ECI1: variants seen among roughly 807,000 people sequenced by gnomAD.
ECI1 encodes the protein enoyl-CoA delta isomerase 1.
A neutral mutation model predicts 34.2 loss-of-function variants in ECI1; 34 were observed. That is an observed-to-expected ratio of 1.00 (90% CI 0.76 to 1.33). The LOEUF is 1.33. Ranked by LOEUF, ECI1 falls within the 40% of genes most tolerant of loss-of-function variation. The probability of loss-of-function intolerance (pLI) is 0.00; values close to 1 mark genes in which losing one functional copy is unlikely to be tolerated. For synonymous variants in ECI1, 211 were observed against 193.0 expected, an observed-to-expected ratio of 1.09 and a Z score of -0.77; for missense variants, 456 against 422.2, an observed-to-expected ratio of 1.08 and a Z score of -0.70.
At position 2,246,917 on chromosome 16, in the gene ECI1, A is replaced by G. The variant is rs2093541660; in HGVS notation, c.236T>C (p.Val79Ala). 6.2e-7 allele frequency: 1 copy of G among 1,613,806 alleles called. No homozygotes were observed. The highest frequency in any genetic ancestry group is 2.2e-5 in the East Asian group (1 of 44,878). ...ATTCTCCAGCTTCTCCAGGCTGATGACCAGCTCCGTCAGAAACTCCAGGCT... is the reference window on the plus strand; with the variant it reads ...ATTCTCCAGCTTCTCCAGGCTGATGGCCAGCTCCGTCAGAAACTCCAGGCT... The part of the protein sequence containing the change: ...SLSLEFLTEL[V>A]ISLEKLENDK... The change falls in exon 3 of 7, where the codon GTC becomes GCC. Residue 79 changes from valine to alanine, a missense_variant. Val to Ala is a moderately conservative substitution (Grantham distance 64, BLOSUM62 0). Coordinates refer to ENST00000301729, the MANE Select transcript of ECI1 (RefSeq NM_001919.4).
intron 4 of ECI1, among the ~76,000 whole-genome samples, chr16:2,243,850 T>C (rs1262287089): frequency 6.6e-6 from 1 of 152,162 alleles, no homozygotes; most frequent in Non-Finnish European, 1.5e-5. Context: ...CAGGATGTCC[T>C]GGGAACCCCA....
chr16:2,246,199 C>T (rs2093539923), intron 3 of ECI1, among the ~76,000 whole-genome samples: 2 of 152,354 alleles, frequency 1.3e-5, no homozygotes, highest in Admixed American at 6.5e-5. Context: ...ACAGATGACA[C>T]GCCTAGCGTT....
At chr16:2,244,667 G>C in intron 3 of ECI1, 115 bp from the exon 4 acceptor site, 1 of 1,154,434 alleles carries the variant, frequency 8.7e-7, no homozygotes, top group East Asian at 2.6e-5. Context: ...GTCACGCTCA[G>C]GGTGTGGGTG....
At position 2,242,702 on chromosome 16, in the gene ECI1, C is replaced by T. The variant is rs562140387; in HGVS notation, c.742+344G>A. On this transcript the variant is annotated intron_variant, in intron 6 of 6. Transcript: ENST00000301729. ...CACAGAAACACAGGGGAGAAAGCTG[C>T]GTAAGGATGGAGGCAGAGATTAGAG... The T allele has an allele frequency of 1.9e-5, 7 of 365,646 alleles. 1 individual carries two copies. Among genetic ancestry groups the T allele is most frequent in the Middle Eastern group, 8.0e-4 (1 of 1,256 alleles). The allele number at this position is 365,646 out of a possible 1,614,324, so 22.7% of individuals were successfully genotyped here.
Position 2,251,389 on chromosome 16 carries a change from C to G in ECI1, c.93G>C (p.Arg31=), listed in dbSNP as rs1490835259. 11 of 1,269,144 alleles carry G rather than the reference C, an allele frequency of 8.7e-6. No homozygotes were observed. Among genetic ancestry groups the G allele is most frequent in the Non-Finnish European group, 1.1e-5 (11 of 1,010,446 alleles). 78.6% of individuals were successfully genotyped at this position (1,269,144 alleles called of 1,614,324 possible). A position where few individuals can be genotyped will look rare whatever the true frequency, so the allele number is the denominator to read the frequency against. Residue 31 remains arginine (R), a synonymous_variant, in exon 2 of 7, where the codon CGG becomes CGC. Transcript: ENST00000301729. ...LPGAALGRTE[R]AAGGGDGARR... ...GCGCGCCGTCTCCGCCGCCGGCCGC[C>G]CGCTCCGTCCGCCCGAGGGCCGCGC...
Position 2,239,531 on chromosome 16 carries a change from T to G in ECI1, c.*448A>C. On this transcript the variant is annotated 3_prime_UTR_variant, in exon 7 of 7. Transcript: ENST00000301729. ...GTTGCTCTGATTCACTGTGCGCTCT[T>G]CATCCTGATGAGTAAGGGCAGTGAC... is the stretch of plus-strand genomic sequence containing the variant. The G allele has an allele frequency of 3.8e-6, 1 of 262,344 alleles. No homozygotes were observed. Among genetic ancestry groups the G allele is most frequent in the South Asian group, 4.3e-5 (1 of 23,154 alleles). The allele number at this position is 262,344 out of a possible 1,614,324, so 16.3% of individuals were successfully genotyped here.
intron 5 of ECI1, 21 bp downstream of exon 5, chr16:2,243,297 G>A (rs938024273): frequency 1.2e-6 from 2 of 1,613,478 alleles, no homozygotes; most frequent in Non-Finnish European, 8.5e-7. Context: ...CATGGAGCGT[G>A]GCTGCAGCCC....
intron 3 of ECI1, among the ~76,000 whole-genome samples, chr16:2,245,557 C>T (rs187374659): frequency 4.5e-4 from 68 of 152,308 alleles, no homozygotes; most frequent in African/African-American, 1.4e-3. Flanking sequence ...CTACAAAACG[C>T]GTTCTACTTC....
chr16:2,239,855 A>C lies in ECI1; in HGVS notation c.*124T>G. On this transcript the variant is annotated 3_prime_UTR_variant, in exon 7 of 7. Coordinates refer to ENST00000301729, the MANE Select transcript of ECI1 (RefSeq NM_001919.4). ...GGCCACTGGGCTATGAGGAACAGGAACTTCTACGTAACATCAGCAAAATGA... is the reference window on the plus strand; with the variant it reads ...GGCCACTGGGCTATGAGGAACAGGACCTTCTACGTAACATCAGCAAAATGA... The C allele has an allele frequency of 9.3e-7, 1 of 1,077,514 alleles. No individual in the cohort carries two copies. The highest frequency in any genetic ancestry group is 1.3e-5 in the South Asian group (1 of 77,876). The allele number at this position is 1,077,514 out of a possible 1,614,324, so 66.7% of individuals were successfully genotyped here. A position where few individuals can be genotyped will look rare whatever the true frequency, so the allele number is the denominator to read the frequency against.
intron 4 of ECI1, 29 bp downstream of exon 4, chr16:2,244,377 C>G: frequency 6.2e-7 from 1 of 1,608,914 alleles, no homozygotes; most frequent in East Asian, 2.2e-5. Context: ...GAACAGCCAG[C>G]GAGGCCACCT....
Position 2,243,118 on chromosome 16 carries a change from C to A in ECI1, c.670G>T (p.Asp224Tyr). Residue 224 changes from aspartate (D) to tyrosine (Y), a missense_variant, in exon 6 of 7, where the codon GAC becomes TAC. Coordinates refer to ENST00000301729, the MANE Select transcript of ECI1 (RefSeq NM_001919.4). ...PAEALQVGIVDQVVPEEQVQS... is the reference protein window; with the variant it reads ...PAEALQVGIVYQVVPEEQVQS... ...ACCTGCTCCTCCGGGACCACCTGGT[C>A]CACTATGCCCACCTGCAGGGCCTCC... is the stretch of plus-strand genomic sequence containing the variant. The A allele has an allele frequency of 1.2e-6, 2 of 1,606,234 alleles. No homozygotes were observed. The highest frequency in any genetic ancestry group is 1.7e-6 in the Non-Finnish European group (2 of 1,179,816).
At chr16:2,247,406 T>C (rs2093542937) in intron 2 of ECI1, among the ~76,000 whole-genome samples, 1 of 151,952 alleles carries the variant, frequency 6.6e-6, no homozygotes, top group African/African-American at 2.4e-5. Context: ...TATTTTTATT[T>C]ACTTTTTTGA....
Position 2,239,952 on chromosome 16 carries a change from G to A in ECI1, c.*27C>T, listed in dbSNP as rs2141492533. On this transcript the variant is annotated 3_prime_UTR_variant, in exon 7 of 7. Coordinates refer to ENST00000301729, the MANE Select transcript of ECI1 (RefSeq NM_001919.4). ...CCCTGGGACCCACAGGGGCACGTGT[G>A]GCCGTAAGCCTGTGGCAGCCCAATC... The A allele has an allele frequency of 1.2e-6, 2 of 1,612,512 alleles. No homozygotes were observed.
At chr16:2,246,126 C>G (rs954045295) in intron 3 of ECI1, among the ~76,000 whole-genome samples, 1 of 152,194 alleles carries the variant, frequency 6.6e-6, no homozygotes, top group Admixed American at 6.5e-5. Flanking sequence ...CTCAAGGGTC[C>G]CATCCTCCTG....
chr16:2,245,964 C>T (rs1567314007), intron 3 of ECI1, among the ~76,000 whole-genome samples: 1 of 152,088 alleles, frequency 6.6e-6, no homozygotes, highest in Non-Finnish European at 1.5e-5. Flanking sequence ...GATTCTGTCT[C>T]AATAAATATA....
chr16:2,243,133 G>T lies in ECI1; in HGVS notation c.655C>A (p.Gln219Lys), dbSNP rs1236715129. The change falls in exon 6 of 7, where the codon CAG becomes AAG. Residue 219 changes from glutamine (Q) to lysine (K), a missense_variant. Physicochemically the swap from Gln to Lys is moderately conservative, Grantham distance 53. Transcript: ENST00000301729. ...ACCACCTGGTCCACTATGCCCACCTGCAGGGCCTCCGCCGGCGGGAAGAGC... is the reference window on the plus strand; with the variant it reads ...ACCACCTGGTCCACTATGCCCACCTTCAGGGCCTCCGCCGGCGGGAAGAGC... The part of the protein sequence containing the change: ...GLLFPPAEAL[Q>K]VGIVDQVVPE... The T allele has an allele frequency of 6.2e-7, 1 of 1,606,450 alleles. No individual in the cohort carries two copies. Among genetic ancestry groups the T allele is most frequent in the Non-Finnish European group, 8.5e-7 (1 of 1,179,728 alleles).
rs199619754 is a variant in ECI1 at position 2,244,365 on chromosome 16, C to G, written c.441+41G>C. 4.7e-4 allele frequency: 751 copies of G among 1,604,214 alleles called. 4 individuals carry two copies. In the African/African-American group the frequency reaches 9.4e-3, roughly 20 times the overall value. On this transcript the variant is annotated intron_variant, in intron 4 of 6. Transcript: ENST00000301729. ...TCTGTCCCACCCCCTGGCGCTGGCC[C>G]AGAACAGCCAGCGAGGCCACCTGGG...
At chr16:2,248,351 G>A (rs898530599) in intron 2 of ECI1, among the ~76,000 whole-genome samples, 2 of 151,472 alleles carry the variant, frequency 1.3e-5, no homozygotes, top group African/African-American at 4.9e-5. Context: ...ACCTCGCCTC[G>A]GCCTCCCAAA....
chr16:2,244,418 G>C lies in ECI1; in HGVS notation c.429C>G (p.Val143=). Residue 143 remains valine, a synonymous_variant, in exon 4 of 7, where the codon GTC becomes GTG. Transcript: ENST00000301729. ...LRLYQSNLVL[V]SAINGACPAG... ...TGGGGACACTCACGTTGATGGCGGA[G>C]ACCAGCACCAGGTTGGACTGGTACA... 1 of 1,612,516 alleles carries C rather than the reference G, an allele frequency of 6.2e-7. No homozygotes were observed. The highest frequency in any genetic ancestry group is 1.1e-5 in the South Asian group (1 of 90,860).
Sources: allele counts gnomAD v4.1 joint callset (sites outside exome capture counted in the v4.1 genomes callset), GRCh38; gene constraint gnomAD v4.1.1; transcripts MANE v1.5; gene names NCBI Gene and HGNC (gene_info 2026-07-23, HGNC 2026-07-21).